The following PTPRD variants were observed in gnomAD, a reference collection of about 807,000 sequenced individuals.
PTPRD encodes the protein receptor-type tyrosine-protein phosphatase delta.
Under a neutral mutation model 214.5 loss-of-function variants are expected in PTPRD, and 34 were observed. The observed-to-expected ratio is 0.16, with a 90% confidence interval of 0.12 to 0.21. The LOEUF (loss-of-function observed/expected upper bound fraction) is 0.21, where lower values mean the gene tolerates loss of function less well. Ranked by LOEUF, PTPRD falls within the 10% of genes least tolerant of loss-of-function variation. PTPRD has a pLI of 1.00. For synonymous variants in PTPRD, 1,128 were observed against 845.7 expected (o/e 1.33, Z -5.79); for missense variants, 2,545 against 2,398.7 (o/e 1.06, Z -1.27).
At chr9:9,667,216 C>G (rs555131667) in intron 7 of PTPRD, among the ~76,000 whole-genome samples, 1 of 152,208 alleles carries the variant, frequency 6.6e-6, no homozygotes, top group Non-Finnish European at 1.5e-5. Flanking sequence ...ATACTTCTTA[C>G]AGCAGTGCAA....
chr9:8,508,556 TAAG>T (rs1051997896), intron 21 of PTPRD, among the ~76,000 whole-genome samples: 12 of 151,284 alleles, frequency 7.9e-5, no homozygotes, highest in African/African-American at 2.7e-4. Context: ...CAAGTTTAAA[TAAG>T]AATTCCATTT....
chr9:10,231,985 AGAGAGTGTGT>A (rs1202241642), intron 3 of PTPRD, among the ~76,000 whole-genome samples: 7 of 96,258 alleles, frequency 7.3e-5, no homozygotes, highest in African/African-American at 1.9e-4. Context: ...AGAGAGAGAG[AGAGAGTGTGT>A]GTGTGTGTGT....
intron 3 of PTPRD, among the ~76,000 whole-genome samples, chr9:10,246,809 G>A (rs570593086): frequency 1.1e-4 from 16 of 151,674 alleles, no homozygotes; most frequent in Non-Finnish European, 1.9e-4. Context: ...CAGGAGAATC[G>A]CTTGAACCTG....
At chr9:10,390,352 G>A (rs2098033177) in intron 2 of PTPRD, among the ~76,000 whole-genome samples, 1 of 151,660 alleles carries the variant, frequency 6.6e-6, no homozygotes, top group Non-Finnish European at 1.5e-5. Context: ...TCCAAGTGAG[G>A]CTCAGCTTGG....
intron 9 of PTPRD, among the ~76,000 whole-genome samples, chr9:9,343,570 C>T (rs927059868): frequency 2.0e-5 from 3 of 152,114 alleles, no homozygotes; most frequent in African/African-American, 7.2e-5. Flanking sequence ...AATTACACAA[C>T]CTAATGACTT....
intron 9 of PTPRD, among the ~76,000 whole-genome samples, chr9:9,279,921 T>C (rs1269025807): frequency 6.6e-6 from 1 of 151,336 alleles, no homozygotes. Flanking sequence ...TATATACATT[T>C]GCCTCATTTA....
chr9:9,251,185 T>G (rs919559210), intron 9 of PTPRD, among the ~76,000 whole-genome samples: 4 of 152,046 alleles, frequency 2.6e-5, no homozygotes, highest in African/African-American at 4.8e-5. Flanking sequence ...CAGCAATAGA[T>G]CCCAGGGTTG....
Position 8,500,558 on chromosome 9 carries a change from G to GGAAAAAAAAAAAAAAAAAAAA in PTPRD, c.2128+195_2128+196insTTTTTTTTTTTTTTTTTTTTC, listed in dbSNP as rs2097373754. Among the ~76,000 whole-genome samples the GGAAAAAAAAAAAAAAAAAAAA allele has an allele frequency of 2.1e-3, 30 of 14,314 alleles. 1 individual carries two copies. Among genetic ancestry groups the GGAAAAAAAAAAAAAAAAAAAA allele is most frequent in the East Asian group, 7.6e-3 (5 of 654 alleles). The allele number at this position is 14,314 out of a possible 152,430, so 9.4% of individuals were successfully genotyped here. On this transcript the variant is annotated intron_variant, in intron 24 of 45. Coordinates refer to ENST00000381196, the MANE Select transcript of PTPRD (RefSeq NM_002839.4). ...TTACTGCATTGAGATTGAAAAAAAT[G>GGAAAAAAAAAAAAAAAAAAAA]AAAAAAAAAAAAAAAAAAAAAAAAA... is the stretch of plus-strand genomic sequence containing the variant.
At chr9:9,684,749 T>C (rs1371786753) in intron 7 of PTPRD, among the ~76,000 whole-genome samples, 1 of 151,294 alleles carries the variant, frequency 6.6e-6, no homozygotes. Flanking sequence ...TTTTCTTAGA[T>C]GGGATTATTC....
chr9:8,345,810 C>T (rs373531046), intron 39 of PTPRD, among the ~76,000 whole-genome samples: 27 of 152,116 alleles, frequency 1.8e-4, no homozygotes, highest in East Asian at 5.8e-4. Flanking sequence ...CAGTATGTTT[C>T]GTTTTGTTTT....
At chr9:8,925,100 G>A (rs887889161) in intron 11 of PTPRD, among the ~76,000 whole-genome samples, 1 of 152,016 alleles carries the variant, frequency 6.6e-6, no homozygotes, top group Admixed American at 6.6e-5. Flanking sequence ...ACTCTCCCAG[G>A]TTTCTGTCCT....
intron 3 of PTPRD, among the ~76,000 whole-genome samples, chr9:10,101,413 T>C (rs2098550666): frequency 6.6e-6 from 1 of 151,672 alleles, no homozygotes; most frequent in South Asian, 2.1e-4. Context: ...GGATGTAGTA[T>C]CAGGTAAGTA....
chr9:9,523,408 T>C (rs2154257360), intron 8 of PTPRD, among the ~76,000 whole-genome samples: 1 of 152,310 alleles, frequency 6.6e-6, no homozygotes, highest in Middle Eastern at 3.4e-3. Flanking sequence ...AAAGATTCAT[T>C]TCATAAACTG....
At chr9:9,884,868 C>T (rs1460813050) in intron 5 of PTPRD, among the ~76,000 whole-genome samples, 4 of 152,100 alleles carry the variant, frequency 2.6e-5, no homozygotes, top group African/African-American at 9.7e-5. Flanking sequence ...TTGTAAGTTT[C>T]CTGAGGCCAC....
intron 3 of PTPRD, among the ~76,000 whole-genome samples, chr9:10,321,753 A>C (rs1043134695): frequency 6.6e-6 from 1 of 152,100 alleles, no homozygotes; most frequent in African/African-American, 2.4e-5. Flanking sequence ...CAAGTAGATT[A>C]ATATATAGAA....
chr9:9,387,941 T>C (rs1212776662), intron 9 of PTPRD, among the ~76,000 whole-genome samples: 2 of 152,184 alleles, frequency 1.3e-5, no homozygotes, highest in Non-Finnish European at 2.9e-5. Context: ...TTCCCACCTA[T>C]AGGTGGCCTG....
At chr9:10,546,071 AT>A (rs2060108982) in intron 2 of PTPRD, among the ~76,000 whole-genome samples, 1 of 152,146 alleles carries the variant, frequency 6.6e-6, no homozygotes, top group African/African-American at 2.4e-5. Context: ...CACAACTATC[AT>A]TAGCTTTATC....
At chr9:8,396,388 A>G (rs1909756) in intron 36 of PTPRD, among the ~76,000 whole-genome samples, 44,004 of 152,032 alleles carry the variant, frequency 0.29, 6,629 homozygotes, top group African/African-American at 0.38. Flanking sequence ...ATTCTTTTAC[A>G]ATTTCCCAGC....
chr9:8,801,974 T>A (rs2096581069), intron 11 of PTPRD, among the ~76,000 whole-genome samples: 1 of 152,190 alleles, frequency 6.6e-6, no homozygotes, highest in South Asian at 2.1e-4. Flanking sequence ...CCACTTACTT[T>A]ACCTCTCAAT....
Sources: allele counts gnomAD v4.1 joint callset (sites outside exome capture counted in the v4.1 genomes callset), GRCh38; gene constraint gnomAD v4.1.1; transcripts MANE v1.5; gene names NCBI Gene and HGNC (gene_info 2026-07-23, HGNC 2026-07-21).